The following LRIG2 variants were observed in gnomAD, a reference collection of about 807,000 sequenced individuals.
LRIG2 encodes the protein leucine-rich repeats and immunoglobulin-like domains protein 2.
In LRIG2, 93 loss-of-function variants were observed where a neutral mutation model predicts 107.8. The observed-to-expected ratio is 0.86, with a 90% CI of 0.73 to 1.03. The LOEUF (loss-of-function observed/expected upper bound fraction) is 1.03. LRIG2 is among the 50% of genes least tolerant of loss of function. LRIG2 has a pLI of 0.00. For missense variants in LRIG2, 1,226 were observed against 1,296.0 expected, an observed-to-expected ratio of 0.95 and a Z score of 0.83; for synonymous variants, 471 against 470.6, an observed-to-expected ratio of 1.00 and a Z score of -0.01.
At chr1:113,086,185 A>G (rs1653544238) in intron 1 of LRIG2, among the ~76,000 whole-genome samples, 1 of 151,780 alleles carries the variant, frequency 6.6e-6, no homozygotes, top group Non-Finnish European at 1.5e-5. Context: ...TTATATTTTT[A>G]GTAGAAATGG....
chr1:113,100,765 A>T, intron 11 of LRIG2: 1 of 251,346 alleles, frequency 4.0e-6, no homozygotes, highest in East Asian at 7.1e-5. Flanking sequence ...TGCTTTATGT[A>T]TACCCTACTG....
At chr1:113,093,878 G>T (rs1433164360) in intron 4 of LRIG2, among the ~76,000 whole-genome samples, 1 of 152,210 alleles carries the variant, frequency 6.6e-6, no homozygotes, top group African/African-American at 2.4e-5. Flanking sequence ...ATATGCATAT[G>T]TGAGACAAAC....
intron 2 of LRIG2, among the ~76,000 whole-genome samples, chr1:113,091,855 C>T (rs1440115346): frequency 6.6e-6 from 1 of 152,068 alleles, no homozygotes; most frequent in Non-Finnish European, 1.5e-5. Flanking sequence ...TCCTTTAATA[C>T]TGAGATGTAT....
chr1:113,115,672 C>T (rs559221149), intron 15 of LRIG2, among the ~76,000 whole-genome samples: 2 of 152,044 alleles, frequency 1.3e-5, no homozygotes, highest in East Asian at 1.9e-4. Context: ...GGACTACAGG[C>T]GTGTGCCACC....
At chr1:113,122,930 C>A (rs1175649093) in intron 17 of LRIG2, among the ~76,000 whole-genome samples, 1 of 152,142 alleles carries the variant, frequency 6.6e-6, no homozygotes, top group Non-Finnish European at 1.5e-5. Context: ...TAATGTTTGG[C>A]TAGCTTTTTC....
At chr1:113,116,723 ATC>A (rs1346395995) in intron 16 of LRIG2, among the ~76,000 whole-genome samples, 2 of 152,160 alleles carry the variant, frequency 1.3e-5, no homozygotes, top group Non-Finnish European at 2.9e-5. Context: ...TTTTTCAGGT[ATC>A]TCTTTCTTAC....
chr1:113,111,579 GT>G (rs1035694481), intron 13 of LRIG2, among the ~76,000 whole-genome samples: 114 of 152,188 alleles, frequency 7.5e-4, no homozygotes, highest in African/African-American at 2.7e-3. Context: ...ATGGTGTTTG[GT>G]TTTTCACTCC....
chr1:113,094,893 C>T (rs1653983509), intron 6 of LRIG2, 138 bp downstream of exon 6: 2 of 736,958 alleles, frequency 2.7e-6, no homozygotes, highest in Non-Finnish European at 4.1e-6. Context: ...AGTAAGCGTA[C>T]ATAAAACCTT....
At chr1:113,108,918 C>G (rs1654653312) in intron 12 of LRIG2, among the ~76,000 whole-genome samples, 1 of 152,028 alleles carries the variant, frequency 6.6e-6, no homozygotes, top group Non-Finnish European at 1.5e-5. Context: ...ATGACTGATT[C>G]TTAGCTTTAC....
rs529338409 is a variant in LRIG2 at position 113,128,441 on chromosome 1, T to C, written c.*4340T>C. On this transcript the variant is annotated 3_prime_UTR_variant, in exon 18 of 18. Coordinates refer to ENST00000361127, the MANE Select transcript of LRIG2 (RefSeq NM_014813.3). The stretch of plus-strand genomic sequence containing the variant: ...AGTCTTTTTACTTCTCTAGGCTAGA[T>C]TTTCTCATTTATGAAATGAGGACAT... 6.6e-6 allele frequency: 1 copy of C among 152,320 alleles called. No individual in the cohort carries two copies. Among genetic ancestry groups the C allele is most frequent in the Admixed American group, 6.5e-5 (1 of 15,300 alleles). The allele number at this position is 152,320 out of a possible 1,614,324, so 9.4% of individuals were successfully genotyped here. A position where few individuals can be genotyped will look rare whatever the true frequency, so the allele number is the denominator to read the frequency against.
At chr1:113,081,395 C>G (rs1300948263) in intron 1 of LRIG2, among the ~76,000 whole-genome samples, 1 of 151,524 alleles carries the variant, frequency 6.6e-6, no homozygotes, top group Non-Finnish European at 1.5e-5. Context: ...TACTGGTCAC[C>G]CATTTCTATT....
intron 17 of LRIG2, 99 bp downstream of exon 17, chr1:113,119,622 C>A: frequency 1.8e-6 from 2 of 1,114,576 alleles, no homozygotes; most frequent in Non-Finnish European, 2.6e-6. Context: ...AGGAAGCAAG[C>A]AGATGGGTAT....
chr1:113,075,069 T>C (rs1652907235), intron 1 of LRIG2, among the ~76,000 whole-genome samples: 1 of 150,946 alleles, frequency 6.6e-6, no homozygotes, highest in South Asian at 2.1e-4. Flanking sequence ...AATGCAAAGT[T>C]AGCTGGGTGT....
intron 1 of LRIG2, among the ~76,000 whole-genome samples, chr1:113,089,744 C>T (rs950444967): frequency 8.2e-6 from 1 of 122,302 alleles, no homozygotes; most frequent in Non-Finnish European, 1.6e-5. Context: ...TGCAGTGGTG[C>T]AATCTTGGCT....
chr1:113,106,878 C>A (rs1570757024), intron 11 of LRIG2, among the ~76,000 whole-genome samples: 1 of 152,128 alleles, frequency 6.6e-6, no homozygotes, highest in East Asian at 1.9e-4. Context: ...AAAGATCTCT[C>A]AATGCTCCAA....
chr1:113,088,771 A>G (rs1026246160), intron 1 of LRIG2, among the ~76,000 whole-genome samples: 1 of 152,234 alleles, frequency 6.6e-6, no homozygotes, highest in African/African-American at 2.4e-5. Flanking sequence ...CCTTGAGTCA[A>G]AACACCACAA....
intron 1 of LRIG2, among the ~76,000 whole-genome samples, chr1:113,088,184 C>T: frequency 1.3e-5 from 2 of 152,212 alleles, no homozygotes; most frequent in Middle Eastern, 6.8e-3. Flanking sequence ...TCCAGAGAGC[C>T]TCATTATATG....
rs1158957915 is a variant in LRIG2 at position 113,110,292 on chromosome 1, C to T, written c.1528C>T (p.Leu510=). 3.7e-6 allele frequency: 6 copies of T among 1,613,954 alleles called. No homozygotes were observed. Among genetic ancestry groups the T allele is most frequent in the Non-Finnish European group, 5.1e-6 (6 of 1,179,968 alleles). ...GACACATCCTGAAACCATAATTGCT[C>T]TAAGAGGCATGAATGTGACTCTGAC... is the stretch of plus-strand genomic sequence containing the variant. ...IRTHPETIIA[L]RGMNVTLTCT... is the part of the protein sequence containing the mutation. The change falls in exon 13 of 18, where the codon CTA becomes TTA. Residue 510 remains leucine, a synonymous_variant. Transcript: ENST00000361127.
In LRIG2 at chr1:113,096,551, G is replaced by A. The variant is rs186434990; in HGVS notation, c.1091+186G>A. ...TCCCCATAAAAATCCCAAGCCTGTC[G>A]TAGGCAATTCAGTTTGTAGTTTAAT... is the stretch of plus-strand genomic sequence containing the variant. On this transcript the variant is annotated intron_variant, in intron 8 of 17. Coordinates refer to ENST00000361127, the MANE Select transcript of LRIG2 (RefSeq NM_014813.3). Among the ~76,000 whole-genome samples the A allele has an allele frequency of 1.4e-4, 21 of 152,290 alleles. 1 individual carries two copies. The South Asian group carries it at 3.3e-3, about 24-fold the overall frequency.
Sources: allele counts gnomAD v4.1 joint callset (sites outside exome capture counted in the v4.1 genomes callset), GRCh38; gene constraint gnomAD v4.1.1; transcripts MANE v1.5; gene names NCBI Gene and HGNC (gene_info 2026-07-23, HGNC 2026-07-21).